ARHGAP24: variants seen among roughly 807,000 people sequenced by gnomAD.
The protein encoded by ARHGAP24 is Rho GTPase activating protein 24, also known as rho GTPase-activating protein 24.
A neutral mutation model predicts 76.4 loss-of-function variants in ARHGAP24; 50 were observed. The observed-to-expected ratio is 0.65, with a 90% CI of 0.52 to 0.83. ARHGAP24 has a LOEUF of 0.83. ARHGAP24 is among the 40% of genes least tolerant of loss of function. The probability of loss-of-function intolerance (pLI) is 0.00; values close to 1 mark genes in which losing one functional copy is unlikely to be tolerated. For missense variants in ARHGAP24, 930 were observed against 914.2 expected (o/e 1.02, Z -0.22); for synonymous variants, 345 against 323.3 (o/e 1.07, Z -0.72).
chr4:85,837,763 A>G (rs984936479), intron 3 of ARHGAP24, among the ~76,000 whole-genome samples: 6 of 152,164 alleles, frequency 3.9e-5, no homozygotes, highest in African/African-American at 9.7e-5. Flanking sequence ...TCCAATCCCA[A>G]TAAAACTGCC....
chr4:85,738,337 C>G (rs1490478749), intron 3 of ARHGAP24, among the ~76,000 whole-genome samples: 1 of 150,398 alleles, frequency 6.6e-6, no homozygotes, highest in African/African-American at 2.4e-5. Flanking sequence ...AATGTGTTTT[C>G]AAATCTTTGG....
At chr4:85,584,282 T>A (rs1348825493) in intron 2 of ARHGAP24, among the ~76,000 whole-genome samples, 1 of 152,084 alleles carries the variant, frequency 6.6e-6, no homozygotes, top group Non-Finnish European at 1.5e-5. Flanking sequence ...TGAGTTCATG[T>A]CCTTTGTAGG....
At chr4:85,581,443 G>T (rs1024758748) in intron 2 of ARHGAP24, among the ~76,000 whole-genome samples, 10 of 152,092 alleles carry the variant, frequency 6.6e-5, no homozygotes, top group African/African-American at 1.4e-4. Context: ...AAATAAAATA[G>T]TGCAGATAAA....
chr4:85,989,000 G>A (rs1481815692), intron 8 of ARHGAP24, among the ~76,000 whole-genome samples: 3 of 151,126 alleles, frequency 2.0e-5, no homozygotes, highest in African/African-American at 7.3e-5. Context: ...AAAAATAAGA[G>A]GTAATTTAAA....
At chr4:85,994,540 A>G (rs751221106) in intron 8 of ARHGAP24, 43 bp from the exon 9 acceptor site, 4 of 1,572,014 alleles carry the variant, frequency 2.5e-6, no homozygotes, top group Non-Finnish European at 8.8e-7. Context: ...AAATAAATAA[A>G]AACTGTCTCA....
At chr4:85,566,732 G>A (rs1031316806) in intron 1 of ARHGAP24, among the ~76,000 whole-genome samples, 1 of 152,136 alleles carries the variant, frequency 6.6e-6, no homozygotes, top group African/African-American at 2.4e-5. Flanking sequence ...GTCTCCTGGT[G>A]GGGTGATAGA....
chr4:85,683,117 T>TGGGGG (rs201448168), intron 2 of ARHGAP24, among the ~76,000 whole-genome samples: 4 of 56,980 alleles, frequency 7.0e-5, no homozygotes, highest in Admixed American at 2.6e-4. Flanking sequence ...TGTGGGGGGG[T>TGGGGG]GGGGGGGGGG....
At chr4:85,543,478 C>A (rs1370281724) in intron 1 of ARHGAP24, among the ~76,000 whole-genome samples, 1 of 152,130 alleles carries the variant, frequency 6.6e-6, no homozygotes, top group Non-Finnish European at 1.5e-5. Context: ...ATGACATCTT[C>A]TACTGTTGGT....
At chr4:85,908,591 C>G (rs1338860459) in intron 3 of ARHGAP24, among the ~76,000 whole-genome samples, 1 of 152,120 alleles carries the variant, frequency 6.6e-6, no homozygotes, top group Non-Finnish European at 1.5e-5. Context: ...ATGACACACT[C>G]AACAAAGGGG....
intron 2 of ARHGAP24, among the ~76,000 whole-genome samples, chr4:85,675,280 A>G (rs1019373128): frequency 2.6e-5 from 4 of 152,208 alleles, no homozygotes; most frequent in Non-Finnish European, 5.9e-5. Flanking sequence ...CCTTCATGGA[A>G]GTCAGGCAAG....
intron 3 of ARHGAP24, among the ~76,000 whole-genome samples, chr4:85,745,654 C>T (rs1186942737): frequency 6.6e-6 from 1 of 150,732 alleles, no homozygotes; most frequent in African/African-American, 2.4e-5. Context: ...TACTTGCATA[C>T]TACACAGTAT....
intron 3 of ARHGAP24, among the ~76,000 whole-genome samples, chr4:85,747,362 G>A (rs1726080598): frequency 1.3e-5 from 2 of 151,996 alleles, no homozygotes. Flanking sequence ...AAAGCACTAA[G>A]CACAAATAAA....
chr4:85,988,413 G>A (rs1425326551), intron 8 of ARHGAP24, among the ~76,000 whole-genome samples: 1 of 151,564 alleles, frequency 6.6e-6, no homozygotes, highest in African/African-American at 2.4e-5. Context: ...ATAAAAGACA[G>A]AAAATGGAAG....
chr4:85,478,182 A>C (rs1722676827), intron 1 of ARHGAP24, among the ~76,000 whole-genome samples: 2 of 152,218 alleles, frequency 1.3e-5, no homozygotes, highest in African/African-American at 4.8e-5. Context: ...AAAAAGCAGA[A>C]GATATTTAAA....
chr4:85,562,010 G>C (rs1035333784), intron 1 of ARHGAP24, among the ~76,000 whole-genome samples: 3 of 152,194 alleles, frequency 2.0e-5, no homozygotes, highest in Admixed American at 2.0e-4. Flanking sequence ...GAATTGAACT[G>C]AGAATTGAAT....
intron 9 of ARHGAP24, among the ~76,000 whole-genome samples, chr4:85,996,675 A>G (rs554712297): frequency 6.6e-6 from 1 of 152,318 alleles, no homozygotes; most frequent in South Asian, 2.1e-4. Context: ...GGTAAGTTTC[A>G]CTGAGTGGAA....
At chr4:85,859,833 T>TCCTTTTGAGCAC (rs950290421) in intron 3 of ARHGAP24, among the ~76,000 whole-genome samples, 2 of 152,122 alleles carry the variant, frequency 1.3e-5, no homozygotes, top group African/African-American at 4.8e-5. Context: ...TGACAGCCTT[T>TCCTTTTGAGCAC]CCTTTTGAGC....
At chr4:85,620,623 A>G (rs1560555904) in intron 2 of ARHGAP24, among the ~76,000 whole-genome samples, 1 of 151,236 alleles carries the variant, frequency 6.6e-6, no homozygotes, top group Non-Finnish European at 1.5e-5. Context: ...GATCTTTTCT[A>G]CTTTTTTCTT....
At chr4:85,544,195 C>G (rs1329760325) in intron 1 of ARHGAP24, among the ~76,000 whole-genome samples, 1 of 151,976 alleles carries the variant, frequency 6.6e-6, no homozygotes, top group Non-Finnish European at 1.5e-5. Flanking sequence ...TGTAAATGAC[C>G]CTTAATTTAA....
Sources: allele counts gnomAD v4.1 joint callset (sites outside exome capture counted in the v4.1 genomes callset), GRCh38; gene constraint gnomAD v4.1.1; transcripts MANE v1.5; gene names NCBI Gene and HGNC (gene_info 2026-07-23, HGNC 2026-07-21).